Variants in NUDT5 observed in about 807,000 individuals in gnomAD.
The protein encoded by NUDT5 is ADP-sugar pyrophosphatase.
In NUDT5, 21 loss-of-function variants were observed where a neutral mutation model predicts 34.1. The observed-to-expected ratio is 0.62, with a 90% CI of 0.44 to 0.89. NUDT5 has a LOEUF of 0.89. Ranked by LOEUF, NUDT5 falls within the 40% of genes least tolerant of loss-of-function variation. The probability of loss-of-function intolerance (pLI) is 0.00; values close to 1 mark genes in which losing one functional copy is unlikely to be tolerated. For missense variants in NUDT5, 249 were observed against 274.8 expected (o/e 0.91, Z 0.66); for synonymous variants, 85 against 97.6 (o/e 0.87, Z 0.76).
In NUDT5 at chr10:12,187,916, G is replaced by C. The variant is rs540598741; in HGVS notation, c.-41-1584C>G. Among the ~76,000 whole-genome samples, 1 of 151,910 alleles carries C rather than the reference G, an allele frequency of 6.6e-6. No homozygotes were observed. The highest frequency in any genetic ancestry group is 2.1e-4 in the South Asian group (1 of 4,816). ...TCACACCTGGAATCCTAGCCCTTTG[G>C]GGGACCAAGAGTCTGAGACCAGCCT... On this transcript the variant is annotated intron_variant, in intron 1 of 9. Coordinates refer to ENST00000491614, the MANE Select transcript of NUDT5 (RefSeq NM_014142.4). The surrounding 1 kb of genome is among the most constrained non-coding windows in gnomAD (Gnocchi z 5.4).
At chr10:12,177,462 T>C (rs1353708576) in intron 5 of NUDT5, among the ~76,000 whole-genome samples, 5 of 152,102 alleles carry the variant, frequency 3.3e-5, no homozygotes, top group Non-Finnish European at 1.5e-5. Context: ...GAGGTTGCAG[T>C]GAGCCGAGAT....
rs188102750 is a variant in NUDT5 at position 12,191,948 on chromosome 10, G to A, written c.-42+3822C>T. On this transcript the variant is annotated intron_variant, in intron 1 of 9. Transcript: ENST00000491614. ...CACTGAGGCTCATTACTCAATCACC[G>A]TACCCGAATCCCGGCCATCTGCTGA... is the stretch of plus-strand genomic sequence containing the variant. Among the ~76,000 whole-genome samples the A allele has an allele frequency of 2.9e-3, 435 of 152,170 alleles. 3 individuals are homozygous for A. Among genetic ancestry groups the A allele is most frequent in the African/African-American group, 9.8e-3 (405 of 41,526 alleles).
chr10:12,177,817 C>A lies in NUDT5; in HGVS notation c.265G>T (p.Gly89Cys), dbSNP rs145584489. 40 of 1,613,610 alleles carry A rather than the reference C, an allele frequency of 2.5e-5. No homozygotes were observed. The Middle Eastern group carries it at 4.9e-4, about 20-fold the overall frequency. The part of the protein sequence containing the change: ...LVKQFRPPMG[G>C]YCIEFPAGLI... ...CCTGCAGGGAACTCTATGCAGTAGC[C>A]CCCCATTGGTGGTCGGAACTGTTTC... Residue 89 changes from glycine (G) to cysteine (C), a missense_variant, in exon 5 of 10, where the codon GGC (glycine) becomes TGC (cysteine). Physicochemically the swap from Gly to Cys is radical, Grantham distance 159. Transcript: ENST00000491614.
intron 2 of NUDT5, among the ~76,000 whole-genome samples, 174 bp from the exon 3 acceptor site, chr10:12,185,130 G>GT (rs1835105075): frequency 6.6e-6 from 1 of 150,724 alleles, no homozygotes; most frequent in Admixed American, 6.6e-5. Context: ...ATTCAGGGTT[G>GT]TTTTTTTAAA....
At chr10:12,174,133 TG>T (rs779344400) in intron 5 of NUDT5, among the ~76,000 whole-genome samples, 54 of 152,274 alleles carry the variant, frequency 3.5e-4, no homozygotes, top group Non-Finnish European at 6.0e-4. Context: ...CCCAAAGTGC[TG>T]GGATTACAGG....
chr10:12,173,243 G>C lies in NUDT5; in HGVS notation c.386-377C>G, dbSNP rs1239804463. ...ATTTTTTGAGACAGAGTTTCACTTT[G>C]CTCTTATTGCCCAGGATGGAGTGCA... On this transcript the variant is annotated intron_variant, in intron 6 of 9. Transcript: ENST00000491614. The surrounding 1 kb of genome is among the most constrained non-coding windows in gnomAD (Gnocchi z 4.7). Among the ~76,000 whole-genome samples, 1 of 152,166 alleles carries C rather than the reference G, an allele frequency of 6.6e-6. No homozygotes were observed. Among genetic ancestry groups the C allele is most frequent in the Admixed American group, 6.5e-5 (1 of 15,286 alleles).
In NUDT5 at chr10:12,169,377, CACGCACCT is replaced by C; in HGVS notation, c.550+1332_550+1339del. 1 of 1,253,280 alleles carries C rather than the reference CACGCACCT, an allele frequency of 8.0e-7. No individual in the cohort carries two copies. The highest frequency in any genetic ancestry group is 1.1e-6 in the Non-Finnish European group (1 of 887,816). The allele number at this position is 1,253,280 out of a possible 1,614,324, so 77.6% of individuals were successfully genotyped here. ...CACTTGCCTACGTCACCCTGCTTTCCACGCACCTCCTCAGAGGGAGGGGCTGTTATTGT... is the reference window on the plus strand; with the variant it reads ...CACTTGCCTACGTCACCCTGCTTTCCCCTCAGAGGGAGGGGCTGTTATTGT... On this transcript the variant is annotated intron_variant, in intron 9 of 9. Coordinates refer to ENST00000491614, the MANE Select transcript of NUDT5 (RefSeq NM_014142.4). This position sits in a 1 kb window ranked among gnomAD's most constrained non-coding sequence, Gnocchi z 4.8.
At chr10:12,186,204 A>G in intron 2 of NUDT5, 25 bp downstream of exon 2, 1 of 1,546,142 alleles carries the variant, frequency 6.5e-7, no homozygotes, top group Non-Finnish European at 8.9e-7. Flanking sequence ...GGGGGAGGGA[A>G]GGGAAAGTGA....
intron 1 of NUDT5, among the ~76,000 whole-genome samples, chr10:12,191,495 T>TA (rs1422549746): frequency 1.3e-5 from 2 of 152,178 alleles, no homozygotes; most frequent in African/African-American, 4.8e-5. Flanking sequence ...TCTAAGGCCA[T>TA]ACACAGATTT....
In NUDT5 at chr10:12,170,970, T is replaced by C. The variant is rs2131699018; in HGVS notation, c.488-62A>G. On this transcript the variant is annotated intron_variant, in intron 7 of 9. Transcript: ENST00000491614. This position sits in a 1 kb window ranked among gnomAD's most constrained non-coding sequence, Gnocchi z 4.9. ...CTGGAGTGGTAACATCGGAAGACTTTTATACAAGAGGCGTCAAAAAGGCTT... is the reference window on the plus strand; with the variant it reads ...CTGGAGTGGTAACATCGGAAGACTTCTATACAAGAGGCGTCAAAAAGGCTT... 1 of 1,582,142 alleles carries C rather than the reference T, an allele frequency of 6.3e-7. No homozygotes were observed. Among genetic ancestry groups the C allele is most frequent in the East Asian group, 2.3e-5 (1 of 44,258 alleles).
chr10:12,172,567 C>T (rs1373115975), intron 7 of NUDT5, 198 bp downstream of exon 7: 14 of 590,756 alleles, frequency 2.4e-5, no homozygotes, highest in Non-Finnish European at 3.0e-5. Flanking sequence ...ACAAAGAAAG[C>T]GTAAAGATGA....
chr10:12,193,739 T>C (rs1371760825), intron 1 of NUDT5, among the ~76,000 whole-genome samples: 1 of 152,236 alleles, frequency 6.6e-6, no homozygotes, highest in Non-Finnish European at 1.5e-5. Context: ...GTATACTGCC[T>C]GAATAAAAGG....
At chr10:12,183,194 C>T (rs1835071674) in intron 3 of NUDT5, among the ~76,000 whole-genome samples, 1 of 152,224 alleles carries the variant, frequency 6.6e-6, no homozygotes, top group South Asian at 2.1e-4. Context: ...ATGGTGCTCC[C>T]TAAGACTTGG....
At position 12,172,423 on chromosome 10, in the gene NUDT5, A is replaced by G. The variant is rs1834873737; in HGVS notation, c.487+342T>C. 1.1e-5 allele frequency: 3 copies of G among 281,456 alleles called. No individual in the cohort carries two copies. In the Admixed American group the frequency reaches 1.4e-4, roughly 14 times the overall value. 17.4% of individuals were successfully genotyped at this position (281,456 alleles called of 1,614,324 possible). A position where few individuals can be genotyped will look rare whatever the true frequency, so the allele number is the denominator to read the frequency against. On this transcript the variant is annotated intron_variant, in intron 7 of 9. Transcript: ENST00000491614. ...CTACAGGGGAACTTAGGCCATTCTT[A>G]AAATATACATGAAGACAGAAACCAG...
At chr10:12,172,617 GAAGA>G (rs1330148562) in intron 7 of NUDT5, 144 bp downstream of exon 7, 6 of 617,916 alleles carry the variant, frequency 9.7e-6, no homozygotes, top group African/African-American at 9.2e-5. Context: ...ACATGATTAG[GAAGA>G]GAGACAAGAA....
chr10:12,169,171 G>C lies in NUDT5; in HGVS notation c.551-1360C>G. ...TGATTCTGCTAAAGCTAGGCAACTT[G>C]GTTCTTTTACCCCTCCTCCTTTATA... On this transcript the variant is annotated intron_variant, in intron 9 of 9. Transcript: ENST00000491614. This position sits in a 1 kb window ranked among gnomAD's most constrained non-coding sequence, Gnocchi z 4.8. 1.3e-6 allele frequency: 1 copy of C among 765,112 alleles called. No individual in the cohort carries two copies. The highest frequency in any genetic ancestry group is 2.1e-6 in the Non-Finnish European group (1 of 472,042). 47.4% of individuals were successfully genotyped at this position (765,112 alleles called of 1,614,324 possible).
At chr10:12,172,724 A>C (rs753635703) in intron 7 of NUDT5, 41 bp downstream of exon 7, 64 of 1,385,180 alleles carry the variant, frequency 4.6e-5, no homozygotes, top group Non-Finnish European at 2.0e-5. Flanking sequence ...AAGACACGTA[A>C]TGCAACCACA....
Position 12,166,826 on chromosome 10 carries a change from CA to C in NUDT5, c.*875del, listed in dbSNP as rs755465685. ...GAACACTGGTAGAACTGCTAGATGA[CA>C]GGGTTTCAGGCATGGGAACCAGATC... On this transcript the variant is annotated 3_prime_UTR_variant, in exon 10 of 10. Transcript: ENST00000491614. 6.5e-6 allele frequency: 3 copies of C among 458,864 alleles called. No individual in the cohort carries two copies. The highest frequency in any genetic ancestry group is 9.0e-6 in the Non-Finnish European group (2 of 221,892). The allele number at this position is 458,864 out of a possible 1,614,324, so 28.4% of individuals were successfully genotyped here. A position where few individuals can be genotyped will look rare whatever the true frequency, so the allele number is the denominator to read the frequency against.
At chr10:12,172,282 T>G (rs76992584) in intron 7 of NUDT5, among the ~76,000 whole-genome samples, 1 of 141,724 alleles carries the variant, frequency 7.1e-6, no homozygotes, top group Admixed American at 7.0e-5. Context: ...ACTTAGGCCA[T>G]TTTTTTTTTT....
Sources: gnomAD v4.1 joint callset for allele counts (sites outside exome capture counted in the v4.1 genomes callset) on GRCh38, gnomAD v4.1.1 for gene constraint, Gnocchi (gnomAD v3.1) non-coding constraint, MANE v1.5 for transcripts, NCBI Gene and HGNC (gene_info 2026-07-23, HGNC 2026-07-21) for gene names.